Variants in DPYD observed in about 807,000 individuals in gnomAD.
DPYD encodes the protein dihydropyrimidine dehydrogenase [NADP(+)].
Under a neutral mutation model 116.2 loss-of-function variants are expected in DPYD, and 109 were observed. The ratio of observed to expected loss-of-function variants is 0.94; its 90% CI spans 0.80 to 1.10. The LOEUF (loss-of-function observed/expected upper bound fraction) is 1.10. Among genes scored for constraint, DPYD ranks in the 50% least tolerant of loss-of-function variants. DPYD has a pLI of 0.00. For missense variants in DPYD, 1,302 were observed against 1,254.5 expected (o/e 1.04, Z -0.57); for synonymous variants, 440 against 432.0 (o/e 1.02, Z -0.23).
intron 19 of DPYD, among the ~76,000 whole-genome samples, chr1:97,225,538 T>TA (rs1199568475): frequency 6.7e-6 from 1 of 148,908 alleles, no homozygotes; most frequent in Non-Finnish European, 1.5e-5. Flanking sequence ...AGATCCTGAG[T>TA]AAAAAATTTT....
intron 12 of DPYD, among the ~76,000 whole-genome samples, chr1:97,535,994 T>C (rs191083914): frequency 7.8e-4 from 119 of 152,330 alleles, no homozygotes; most frequent in African/African-American, 2.7e-3. Context: ...GAGAGTACTA[T>C]AGGGTTTAAT....
chr1:97,679,902 C>T lies in DPYD; in HGVS notation c.763-720G>A, dbSNP rs1006862282. Among the ~76,000 whole-genome samples, 7 of 152,186 alleles carry T rather than the reference C, an allele frequency of 4.6e-5. No homozygotes were observed. In the East Asian group the frequency reaches 1.4e-3, roughly 29 times the overall value. ...AGTACTGTGATTCCCCTAGTCCTTT[C>T]CCAAAGGAAACTATGGTCATTTATC... On this transcript the variant is annotated intron_variant, in intron 7 of 22. Transcript: ENST00000370192.
At chr1:97,147,859 G>A (rs556303440) in intron 20 of DPYD, among the ~76,000 whole-genome samples, 5 of 152,266 alleles carry the variant, frequency 3.3e-5, no homozygotes, top group South Asian at 2.1e-4. Context: ...AGAATCAAGA[G>A]GGTGAGTGCA....
At chr1:97,734,281 A>G (rs1663799295) in intron 4 of DPYD, among the ~76,000 whole-genome samples, 1 of 152,132 alleles carries the variant, frequency 6.6e-6, no homozygotes. Flanking sequence ...AGATCTACTT[A>G]TTGAAGAAGT....
intron 13 of DPYD, among the ~76,000 whole-genome samples, chr1:97,488,716 T>C (rs12060079): frequency 0.085 from 12,942 of 152,186 alleles, 661 homozygotes; most frequent in South Asian, 0.1. Flanking sequence ...TGTCCACCAG[T>C]GTGCCATGTC....
intron 3 of DPYD, among the ~76,000 whole-genome samples, chr1:97,752,370 A>C (rs1474312303): frequency 6.6e-6 from 1 of 152,006 alleles, no homozygotes; most frequent in African/African-American, 2.4e-5. Flanking sequence ...TTAAATATTC[A>C]TTCATTTTAC....
intron 1 of DPYD, among the ~76,000 whole-genome samples, chr1:97,891,838 T>G (rs562830829): frequency 6.6e-6 from 1 of 151,920 alleles, no homozygotes; most frequent in African/African-American, 2.4e-5. Context: ...CCAAACATAG[T>G]GTACCATTAA....
chr1:97,104,084 A>G (rs1325795025), intron 20 of DPYD, among the ~76,000 whole-genome samples: 1 of 151,968 alleles, frequency 6.6e-6, no homozygotes, highest in Non-Finnish European at 1.5e-5. Flanking sequence ...GCATATTTTA[A>G]TCTCTGTGCC....
At chr1:97,449,601 A>C (rs1168934712) in intron 14 of DPYD, among the ~76,000 whole-genome samples, 1 of 152,222 alleles carries the variant, frequency 6.6e-6, no homozygotes, top group African/African-American at 2.4e-5. Flanking sequence ...ATAGTTGACT[A>C]ATTTAGTATA....
At chr1:97,314,467 T>A (rs1570493012) in intron 16 of DPYD, among the ~76,000 whole-genome samples, 1 of 150,636 alleles carries the variant, frequency 6.6e-6, no homozygotes, top group Non-Finnish European at 1.5e-5. Context: ...ATGCTCCCCA[T>A]TCCACTTAGT....
At chr1:97,402,415 C>T (rs1268968982) in intron 14 of DPYD, among the ~76,000 whole-genome samples, 1 of 152,036 alleles carries the variant, frequency 6.6e-6, no homozygotes, top group Non-Finnish European at 1.5e-5. Flanking sequence ...TTAACTTCTA[C>T]TTTTTCATTG....
At chr1:97,520,037 A>T (rs1042427006) in intron 12 of DPYD, among the ~76,000 whole-genome samples, 2 of 152,188 alleles carry the variant, frequency 1.3e-5, no homozygotes, top group African/African-American at 4.8e-5. Flanking sequence ...TTTTCAGGAA[A>T]CCAACTTAAA....
At chr1:97,114,365 A>G (rs1167714124) in intron 20 of DPYD, among the ~76,000 whole-genome samples, 1 of 152,170 alleles carries the variant, frequency 6.6e-6, no homozygotes. Context: ...AAGACTATGT[A>G]CATTATATAT....
At chr1:97,350,476 C>A (rs113574010) in intron 16 of DPYD, among the ~76,000 whole-genome samples, 25 of 152,180 alleles carry the variant, frequency 1.6e-4, no homozygotes, top group African/African-American at 4.8e-4. Flanking sequence ...TAAGACTGAA[C>A]TTTTGTAGGC....
At chr1:97,662,587 C>T (rs1659328306) in intron 8 of DPYD, among the ~76,000 whole-genome samples, 4 of 152,008 alleles carry the variant, frequency 2.6e-5, no homozygotes, top group South Asian at 2.1e-4. Context: ...GAGCTGAGAT[C>T]GCACCACTGC....
intron 2 of DPYD, among the ~76,000 whole-genome samples, chr1:97,835,371 C>T (rs1260881750): frequency 1.3e-5 from 2 of 151,968 alleles, no homozygotes; most frequent in Non-Finnish European, 2.9e-5. Context: ...AAAATATATA[C>T]ATTGTTCAAA....
At chr1:97,467,617 G>A (rs13376084) in intron 13 of DPYD, among the ~76,000 whole-genome samples, 2,587 of 152,150 alleles carry the variant, frequency 0.017, 39 homozygotes, top group Non-Finnish European at 0.026. Context: ...ACTCTCTCTC[G>A]CTGCTATCAG....
At chr1:97,335,255 G>A (rs879709805) in intron 16 of DPYD, among the ~76,000 whole-genome samples, 1 of 148,622 alleles carries the variant, frequency 6.7e-6, no homozygotes, top group Non-Finnish European at 1.5e-5. Flanking sequence ...TGGCTTAGTT[G>A]TTCTTCACGC....
intron 19 of DPYD, among the ~76,000 whole-genome samples, chr1:97,203,634 T>TA (rs796559944): frequency 3.2e-5 from 1 of 30,774 alleles, no homozygotes; most frequent in African/African-American, 1.4e-4. Flanking sequence ...ATAAAAAAAA[T>TA]AAAAAAAATA....
Sources: gnomAD v4.1 joint callset for allele counts (sites outside exome capture counted in the v4.1 genomes callset) on GRCh38, gnomAD v4.1.1 for gene constraint, MANE v1.5 for transcripts, NCBI Gene and HGNC (gene_info 2026-07-23, HGNC 2026-07-21) for gene names.